Variants in ANXA5 observed in about 807,000 individuals in gnomAD.
ANXA5 encodes the protein annexin A5.
ANXA5 carries 40 observed loss-of-function variants against 48.1 expected under a neutral mutation model. That is an observed-to-expected ratio of 0.83 (90% CI 0.65 to 1.08). The LOEUF is 1.08. Ranked by LOEUF, ANXA5 falls within the 50% of genes least tolerant of loss-of-function variation. The pLI is 0.00. For missense variants in ANXA5, 357 were observed against 376.8 expected, an observed-to-expected ratio of 0.95 and a Z score of 0.44; for synonymous variants, 113 against 129.1, an observed-to-expected ratio of 0.88 and a Z score of 0.85.
chr4:121,680,183 T>C (rs988503266), intron 6 of ANXA5, among the ~76,000 whole-genome samples: 1 of 152,186 alleles, frequency 6.6e-6, no homozygotes, highest in African/African-American at 2.4e-5. Flanking sequence ...TCACTTTGCA[T>C]TATGTCCTCC....
rs1397085179 is a variant in ANXA5 at position 121,668,372 on chromosome 4, T to C, written c.*96A>G. 3.9e-6 allele frequency: 4 copies of C among 1,037,402 alleles called. No homozygotes were observed. The highest frequency in any genetic ancestry group is 4.5e-6 in the Non-Finnish European group (3 of 660,762). The allele number at this position is 1,037,402 out of a possible 1,614,324, so 64.3% of individuals were successfully genotyped here. ...GAGCATGCTAGTATGAATAAGGCAA[T>C]GTGTTAAGCACTGGCATACAAATGC... On this transcript the variant is annotated 3_prime_UTR_variant, in exon 13 of 13. Transcript: ENST00000296511.
chr4:121,692,451 A>G (rs1242484718), intron 2 of ANXA5, among the ~76,000 whole-genome samples: 2 of 152,238 alleles, frequency 1.3e-5, no homozygotes, highest in South Asian at 2.1e-4. Context: ...TAAAGTGAGC[A>G]GGTGGCATTG....
chr4:121,686,464 TTCA>T, intron 2 of ANXA5, 92 bp from the exon 3 acceptor site: 1 of 892,034 alleles, frequency 1.1e-6, no homozygotes, highest in Non-Finnish European at 1.8e-6. Context: ...ATATATCATA[TTCA>T]GTCATTAAAT....
rs1235217178 is a variant in ANXA5 at position 121,678,352 on chromosome 4, T to C, written c.474+63A>G. 2.2e-6 allele frequency: 3 copies of C among 1,338,156 alleles called. No individual in the cohort carries two copies. In the South Asian group the frequency reaches 3.8e-5, roughly 17 times the overall value. 82.9% of individuals were successfully genotyped at this position (1,338,156 alleles called of 1,614,324 possible). ...AGAATTTTAAGTGACCTTACTTAAC[T>C]AGATTCAGCCCAGTCCAACTTCAGG... On this transcript the variant is annotated intron_variant, in intron 7 of 12. Transcript: ENST00000296511.
chr4:121,683,389 G>A lies in ANXA5; in HGVS notation c.278C>T (p.Ala93Val), dbSNP rs1438608818. 4 of 1,604,716 alleles carry A rather than the reference G, an allele frequency of 2.5e-6. No individual in the cohort carries two copies. The highest frequency in any genetic ancestry group is 2.3e-5 in the East Asian group (1 of 44,432). Residue 93 changes from alanine (A) to valine (V), a missense_variant, in exon 5 of 13, where the codon GCT becomes GTT. Physicochemically the swap from Ala to Val is moderately conservative, Grantham distance 64. Transcript: ENST00000296511. ...CTTCAAGGCATGTTTCAGTTCATAA[G>A]CATCATAAAGCCGAGAGGGTTTCAT... ...ALMKPSRLYD[A>V]YELKHALKGA... is the part of the protein sequence containing the mutation.
At chr4:121,672,452 T>C in intron 9 of ANXA5, 81 bp downstream of exon 9, 1 of 905,544 alleles carries the variant, frequency 1.1e-6, no homozygotes, top group Non-Finnish European at 1.8e-6. Context: ...CCCTGCTATG[T>C]AGCAGGTATT....
At chr4:121,671,679 G>GA in intron 9 of ANXA5, 37 bp from the exon 10 acceptor site, 1 of 1,361,158 alleles carries the variant, frequency 7.3e-7, no homozygotes, top group Non-Finnish European at 1.0e-6. Context: ...ATCATGTAGG[G>GA]ATCACTCTTT....
chr4:121,689,532 CCAAA>C (rs1449510015), intron 2 of ANXA5, among the ~76,000 whole-genome samples: 1 of 152,136 alleles, frequency 6.6e-6, no homozygotes, highest in African/African-American at 2.4e-5. Flanking sequence ...GAAAAAAATT[CCAAA>C]CAGTCTTGAA....
chr4:121,694,734 T>C (rs1009511800), intron 2 of ANXA5, among the ~76,000 whole-genome samples: 1 of 152,324 alleles, frequency 6.6e-6, no homozygotes, highest in East Asian at 1.9e-4. Flanking sequence ...CCAAAAATAG[T>C]AACAAAACTA....
At chr4:121,680,865 G>T (rs905282534) in intron 6 of ANXA5, among the ~76,000 whole-genome samples, 1 of 152,186 alleles carries the variant, frequency 6.6e-6, no homozygotes, top group East Asian at 1.9e-4. Flanking sequence ...TAATTATACA[G>T]TTGCTCTAAA....
In ANXA5 at chr4:121,696,048, T is replaced by TA. The variant is rs1036314773; in HGVS notation, c.9+532dup. Reference sequence around the variant, plus strand: ...AGCGCTTGTGTTTAATCTTTTGGATTAAAAAAAAAATCAGAGCCTACGTCC... The same window carrying TA: ...AGCGCTTGTGTTTAATCTTTTGGATTAAAAAAAAAAATCAGAGCCTACGTCC... On this transcript the variant is annotated intron_variant, in intron 2 of 12. Coordinates refer to ENST00000296511, the MANE Select transcript of ANXA5 (RefSeq NM_001154.4). Among the ~76,000 whole-genome samples the TA allele has an allele frequency of 4.2e-3, 624 of 149,116 alleles. 8 individuals carry two copies. Among genetic ancestry groups the TA allele is most frequent in the African/African-American group, 0.013 (529 of 40,802 alleles).
chr4:121,694,920 T>C (rs1301326802), intron 2 of ANXA5, among the ~76,000 whole-genome samples: 2 of 152,342 alleles, frequency 1.3e-5, no homozygotes, highest in East Asian at 3.9e-4. Context: ...ATGGCCTTTA[T>C]GATACTAATC....
chr4:121,690,469 T>C (rs936829187), intron 2 of ANXA5, among the ~76,000 whole-genome samples: 3 of 152,148 alleles, frequency 2.0e-5, no homozygotes, highest in Non-Finnish European at 4.4e-5. Context: ...AGGAGATCTT[T>C]GGTGGTGTTT....
chr4:121,679,255 G>A (rs1724750605), intron 6 of ANXA5, among the ~76,000 whole-genome samples: 1 of 152,154 alleles, frequency 6.6e-6, no homozygotes, highest in Admixed American at 6.5e-5. Flanking sequence ...AACCTTGTAG[G>A]AATCTTTAAT....
Position 121,669,595 on chromosome 4 carries a change from C to G in ANXA5, c.903+7G>C, listed in dbSNP as rs1560822909. On this transcript the variant is annotated splice_region_variant and intron_variant, in intron 12 of 12. Coordinates refer to ENST00000296511, the MANE Select transcript of ANXA5 (RefSeq NM_001154.4). The stretch of plus-strand genomic sequence containing the variant: ...CCCAAACGTAATTTAAAGAAAGGTT[C>G]TACTACCTTAATCATGGAATAAAGA... The G allele has an allele frequency of 6.2e-7, 1 of 1,613,264 alleles. No homozygotes were observed. The highest frequency in any genetic ancestry group is 8.5e-7 in the Non-Finnish European group (1 of 1,179,574).
intron 2 of ANXA5, among the ~76,000 whole-genome samples, chr4:121,693,483 T>C (rs141513281): frequency 8.7e-4 from 132 of 152,352 alleles, no homozygotes; most frequent in Middle Eastern, 3.4e-3. Flanking sequence ...AATGAATCTA[T>C]GCTGTAAAAG....
intron 8 of ANXA5, 59 bp downstream of exon 8, chr4:121,677,835 A>G: frequency 7.1e-7 from 1 of 1,406,760 alleles, no homozygotes; most frequent in Non-Finnish European, 1.0e-6. Context: ...TTTCATTACC[A>G]TGAATTATTT....
chr4:121,680,770 C>G (rs1406424166), intron 6 of ANXA5, among the ~76,000 whole-genome samples: 1 of 152,156 alleles, frequency 6.6e-6, no homozygotes, highest in Admixed American at 6.5e-5. Context: ...AGTTGAGATA[C>G]ATGTATCACT....
intron 8 of ANXA5, among the ~76,000 whole-genome samples, chr4:121,676,518 A>T (rs965636403): frequency 6.6e-6 from 1 of 152,128 alleles, no homozygotes; most frequent in African/African-American, 2.4e-5. Flanking sequence ...TTTCTGGTAG[A>T]GTTATGTGCT....
Sources: allele counts gnomAD v4.1 joint callset (sites outside exome capture counted in the v4.1 genomes callset), GRCh38; gene constraint gnomAD v4.1.1; transcripts MANE v1.5; gene names NCBI Gene and HGNC (gene_info 2026-07-23, HGNC 2026-07-21).